Variants in PFDN1 observed in about 807,000 individuals in gnomAD.
PFDN1 encodes prefoldin 1.
PFDN1 carries 6 observed loss-of-function variants against 17.3 expected under a neutral mutation model. The ratio of observed to expected loss-of-function variants is 0.35; its 90% confidence interval spans 0.19 to 0.69. The LOEUF is 0.69. Among genes scored for constraint, PFDN1 ranks in the 30% least tolerant of loss-of-function variants. The probability of loss-of-function intolerance (pLI) is 0.65; values close to 1 mark genes in which losing one functional copy is unlikely to be tolerated. For missense variants in PFDN1, 113 were observed against 146.2 expected, an observed-to-expected ratio of 0.77 and a Z score of 1.17; for synonymous variants, 58 against 50.1, an observed-to-expected ratio of 1.16 and a Z score of -0.67.
intron 3 of PFDN1, among the ~76,000 whole-genome samples, chr5:140,248,072 C>CTTTT (rs113993165): frequency 2.8e-5 from 4 of 143,010 alleles, no homozygotes; most frequent in Non-Finnish European, 6.1e-5. Context: ...ATAAACAACT[C>CTTTT]TTTTTTTTTT....
chr5:140,271,342 C>A (rs1488928885), intron 3 of PFDN1, among the ~76,000 whole-genome samples: 1 of 152,142 alleles, frequency 6.6e-6, no homozygotes, highest in African/African-American at 2.4e-5. Context: ...GTTAAGAATG[C>A]AAATGAGCTC....
At chr5:140,287,082 C>T (rs1193912616) in intron 2 of PFDN1, among the ~76,000 whole-genome samples, 1 of 152,140 alleles carries the variant, frequency 6.6e-6, no homozygotes, top group Non-Finnish European at 1.5e-5. Flanking sequence ...TATATGTATA[C>T]AAATAATCCA....
At chr5:140,269,366 T>C (rs1051509963) in intron 3 of PFDN1, among the ~76,000 whole-genome samples, 1 of 151,590 alleles carries the variant, frequency 6.6e-6, no homozygotes, top group Non-Finnish European at 1.5e-5. Context: ...TTGCCCAGGC[T>C]GGAGTGCAAT....
chr5:140,247,852 C>G (rs1230070313), intron 3 of PFDN1, among the ~76,000 whole-genome samples: 1 of 151,982 alleles, frequency 6.6e-6, no homozygotes, highest in Non-Finnish European at 1.5e-5. Flanking sequence ...ATCACTTGAA[C>G]CCAGGAGGCG....
intron 2 of PFDN1, among the ~76,000 whole-genome samples, chr5:140,285,830 C>CA (rs1245344992): frequency 1.3e-5 from 2 of 151,946 alleles, no homozygotes; most frequent in African/African-American, 4.8e-5. Flanking sequence ...AAATAGGATA[C>CA]AAAACAGGAG....
intron 3 of PFDN1, among the ~76,000 whole-genome samples, chr5:140,269,126 C>T (rs866307021): frequency 1.1e-4 from 16 of 152,280 alleles, no homozygotes; most frequent in Non-Finnish European, 1.5e-4. Flanking sequence ...AATCCTCCCA[C>T]CTCAGCCTCT....
intron 3 of PFDN1, chr5:140,273,767 C>G (rs566840643): frequency 7.8e-6 from 2 of 256,574 alleles, no homozygotes; most frequent in Non-Finnish European, 1.2e-5. Context: ...TCCTAGGTTT[C>G]CTTATTCTTA....
intron 3 of PFDN1, among the ~76,000 whole-genome samples, chr5:140,280,097 A>G (rs1765377653): frequency 6.6e-6 from 1 of 151,954 alleles, no homozygotes; most frequent in South Asian, 2.1e-4. Context: ...TTTAGGGTAA[A>G]CAGTATTAAC....
intron 3 of PFDN1, among the ~76,000 whole-genome samples, chr5:140,258,710 G>C (rs1765022484): frequency 6.6e-6 from 1 of 152,202 alleles, no homozygotes; most frequent in African/African-American, 2.4e-5. Context: ...AGGATGCCCA[G>C]TTGGGGCTTG....
intron 3 of PFDN1, among the ~76,000 whole-genome samples, chr5:140,259,878 A>G (rs1765038857): frequency 6.6e-6 from 1 of 152,228 alleles, no homozygotes; most frequent in South Asian, 2.1e-4. Context: ...CAACAACAAC[A>G]AAGACGAACC....
intron 3 of PFDN1, among the ~76,000 whole-genome samples, chr5:140,276,574 A>G (rs1028604574): frequency 1.3e-5 from 2 of 152,062 alleles, no homozygotes; most frequent in Non-Finnish European, 2.9e-5. Context: ...TGAGGTCAGG[A>G]GTTCAAGACC....
chr5:140,269,605 C>CT (rs1765177828), intron 3 of PFDN1, among the ~76,000 whole-genome samples: 1 of 152,234 alleles, frequency 6.6e-6, no homozygotes, highest in African/African-American at 2.4e-5. Context: ...AGGCGTGAGC[C>CT]ACCGTGACCC....
At chr5:140,253,440 AAAC>A (rs1764944396) in intron 3 of PFDN1, among the ~76,000 whole-genome samples, 1 of 152,134 alleles carries the variant, frequency 6.6e-6, no homozygotes, top group African/African-American at 2.4e-5. Flanking sequence ...ATTCTTCTTC[AAAC>A]AACAGTGTTT....
In PFDN1 at chr5:140,269,395, C is replaced by T. The variant is rs59381260; in HGVS notation, c.285+12054G>A. Among the ~76,000 whole-genome samples, 1,264 of 151,736 alleles carry T rather than the reference C, an allele frequency of 8.3e-3. 17 individuals carry two copies. The highest frequency in any genetic ancestry group is 0.029 in the African/African-American group (1,202 of 41,368). ...GTGCAATGGCATGATCTCTGCTCAC[C>T]GCAACCTCCATCTCCCGGGTTCAAG... On this transcript the variant is annotated intron_variant, in intron 3 of 3. Transcript: ENST00000261813.
intron 3 of PFDN1, among the ~76,000 whole-genome samples, chr5:140,260,212 T>C (rs1765043649): frequency 6.6e-6 from 1 of 151,330 alleles, no homozygotes; most frequent in Non-Finnish European, 1.5e-5. Flanking sequence ...TAAAATAAAA[T>C]AAAAAACAGA....
At chr5:140,250,375 T>C (rs751020317) in intron 3 of PFDN1, among the ~76,000 whole-genome samples, 4 of 152,234 alleles carry the variant, frequency 2.6e-5, no homozygotes, top group Non-Finnish European at 4.4e-5. Context: ...GTAGAAGTTC[T>C]CTTCCCCAGA....
chr5:140,247,725 G>A (rs1384664469), intron 3 of PFDN1, among the ~76,000 whole-genome samples: 1 of 152,162 alleles, frequency 6.6e-6, no homozygotes, highest in Non-Finnish European at 1.5e-5. Context: ...GATCACCTGA[G>A]GCCAGGAGTT....
chr5:140,253,561 G>A (rs1285874285), intron 3 of PFDN1, among the ~76,000 whole-genome samples: 2 of 152,286 alleles, frequency 1.3e-5, no homozygotes, highest in East Asian at 3.9e-4. Context: ...CAGATAACCT[G>A]GGAATGACCA....
chr5:140,250,213 C>T (rs761553174), intron 3 of PFDN1, among the ~76,000 whole-genome samples: 16 of 152,186 alleles, frequency 1.1e-4, no homozygotes, highest in Admixed American at 3.3e-4. Context: ...GCCATGCATG[C>T]ATGGTCTTGG....
Sources: allele counts gnomAD v4.1 joint callset (sites outside exome capture counted in the v4.1 genomes callset), GRCh38; gene constraint gnomAD v4.1.1; transcripts MANE v1.5; gene names NCBI Gene and HGNC (gene_info 2026-07-23, HGNC 2026-07-21).